Variants in PTPRG observed in about 807,000 individuals in gnomAD.
PTPRG encodes the protein receptor-type tyrosine-protein phosphatase gamma.
A neutral mutation model predicts 165.3 loss-of-function variants in PTPRG; 102 were observed. The observed-to-expected ratio is 0.62, with a 90% CI of 0.53 to 0.73. The LOEUF is 0.73. PTPRG is among the 30% of genes least tolerant of loss of function. PTPRG has a pLI of 0.00. For synonymous variants in PTPRG, 675 were observed against 669.5 expected (o/e 1.01, Z -0.13); for missense variants, 1,866 against 1,861.4 (o/e 1.00, Z -0.05).
At chr3:62,206,654 C>T (rs966593043) in intron 12 of PTPRG, among the ~76,000 whole-genome samples, 3 of 151,972 alleles carry the variant, frequency 2.0e-5, no homozygotes, top group Non-Finnish European at 2.9e-5. Context: ...TCCAGATGGC[C>T]GAGTGCAGTG....
chr3:61,661,425 G>A (rs571730194), intron 1 of PTPRG, among the ~76,000 whole-genome samples: 5 of 151,884 alleles, frequency 3.3e-5, no homozygotes, highest in Admixed American at 2.0e-4. Flanking sequence ...CTATATGCCC[G>A]TTTTTATGCT....
intron 13 of PTPRG, among the ~76,000 whole-genome samples, chr3:62,223,793 A>G (rs571033846): frequency 6.6e-6 from 1 of 152,286 alleles, no homozygotes; most frequent in South Asian, 2.1e-4. Flanking sequence ...AATAAGGAAA[A>G]TCAAATGTAC....
chr3:61,619,950 A>G (rs56034823), intron 1 of PTPRG, among the ~76,000 whole-genome samples: 13,369 of 152,210 alleles, frequency 0.088, 704 homozygotes, highest in East Asian at 0.2. Flanking sequence ...ATCTTAATAA[A>G]ACACATCACA....
intron 1 of PTPRG, among the ~76,000 whole-genome samples, chr3:61,699,182 TA>T (rs1165229688): frequency 4.0e-5 from 6 of 151,742 alleles, no homozygotes; most frequent in Non-Finnish European, 7.4e-5. Flanking sequence ...ATAACAAAAT[TA>T]AAAAAAATTA....
intron 10 of PTPRG, among the ~76,000 whole-genome samples, chr3:62,198,539 C>T (rs1383991670): frequency 1.3e-5 from 2 of 152,122 alleles, no homozygotes; most frequent in Non-Finnish European, 2.9e-5. Flanking sequence ...CAGACTCATC[C>T]GTGGCAAAGC....
intron 3 of PTPRG, among the ~76,000 whole-genome samples, chr3:61,999,902 T>C (rs1392535284): frequency 1.3e-5 from 2 of 152,364 alleles, no homozygotes; most frequent in Non-Finnish European, 1.5e-5. Flanking sequence ...ATGATTTTCT[T>C]TTCTTTGATA....
chr3:62,257,991 A>G (rs140161158), intron 16 of PTPRG, among the ~76,000 whole-genome samples: 165 of 152,162 alleles, frequency 1.1e-3, no homozygotes, highest in African/African-American at 3.8e-3. Context: ...AGCCAGAGTA[A>G]TGTCCTGTAA....
chr3:62,275,144 G>C (rs1401283955), intron 23 of PTPRG, among the ~76,000 whole-genome samples: 2 of 152,116 alleles, frequency 1.3e-5, no homozygotes, highest in African/African-American at 4.8e-5. Flanking sequence ...TGACAAAATG[G>C]TTCAACCAAG....
At chr3:62,156,972 T>G in intron 6 of PTPRG, 95 bp from the exon 7 acceptor site, 3 of 1,114,660 alleles carry the variant, frequency 2.7e-6, no homozygotes, top group Non-Finnish European at 4.0e-6. Flanking sequence ...AGGCTTGCGA[T>G]GTGGCACCAG....
Position 61,817,040 on chromosome 3 carries a change from TATATA to T in PTPRG, c.190+68063_190+68067del, listed in dbSNP as rs1234314940. ...ATACTATATAATATATAGTATATAATATATAATATTATATATAATATATAATACAT... is the reference window on the plus strand; with the variant it reads ...ATACTATATAATATATAGTATATAATATATTATATATAATATATAATACAT... On this transcript the variant is annotated intron_variant, in intron 2 of 29. Transcript: ENST00000474889. Among the ~76,000 whole-genome samples the T allele has an allele frequency of 1.1e-4, 15 of 131,856 alleles. No homozygotes were observed. The South Asian group carries it at 2.8e-3, about 25-fold the overall frequency. The allele number at this position is 131,856 out of a possible 152,430, so 86.5% of individuals were successfully genotyped here.
intron 4 of PTPRG, among the ~76,000 whole-genome samples, chr3:62,067,461 A>C (rs962859142): frequency 6.6e-6 from 1 of 152,008 alleles, no homozygotes; most frequent in Non-Finnish European, 1.5e-5. Context: ...CATGGTGGCG[A>C]TGGTTTCAGG....
chr3:62,144,820 T>C (rs899044174), intron 6 of PTPRG, among the ~76,000 whole-genome samples: 3 of 152,162 alleles, frequency 2.0e-5, no homozygotes, highest in Admixed American at 1.3e-4. Flanking sequence ...TTATCACTAA[T>C]AGTATTGTTA....
At chr3:62,268,706 C>G (rs559314672) in intron 19 of PTPRG, among the ~76,000 whole-genome samples, 1 of 152,090 alleles carries the variant, frequency 6.6e-6, no homozygotes, top group African/African-American at 2.4e-5. Context: ...ACAAACCTTA[C>G]CCACATTTCT....
At chr3:61,692,657 A>G (rs901492015) in intron 1 of PTPRG, among the ~76,000 whole-genome samples, 3 of 152,112 alleles carry the variant, frequency 2.0e-5, no homozygotes, top group African/African-American at 4.8e-5. Flanking sequence ...GGCAGGCAAG[A>G]GTGGGGGTCA....
intron 15 of PTPRG, among the ~76,000 whole-genome samples, chr3:62,250,848 A>G (rs189102080): frequency 2.8e-4 from 42 of 152,322 alleles, no homozygotes; most frequent in African/African-American, 9.9e-4. Context: ...TCAAAAGTAC[A>G]TAAGAAGGTT....
chr3:61,820,723 G>A (rs1433875258), intron 2 of PTPRG, among the ~76,000 whole-genome samples: 9 of 150,998 alleles, frequency 6.0e-5, no homozygotes, highest in African/African-American at 2.2e-4. Context: ...GTAGATAGAG[G>A]CGCCTGGCTG....
At chr3:62,011,812 A>G (rs1406232131) in intron 4 of PTPRG, among the ~76,000 whole-genome samples, 2 of 152,226 alleles carry the variant, frequency 1.3e-5, no homozygotes, top group East Asian at 3.9e-4. Flanking sequence ...GTAAATCTCC[A>G]TGATGTCTGG....
At chr3:61,742,679 T>C (rs878938335) in intron 1 of PTPRG, 4 of 1,605,124 alleles carry the variant, frequency 2.5e-6, no homozygotes, top group Non-Finnish European at 3.4e-6. Flanking sequence ...TTGGCCACCA[T>C]GTTTTCGTTG....
chr3:61,924,690 G>A (rs2039162641), intron 2 of PTPRG, among the ~76,000 whole-genome samples: 1 of 152,240 alleles, frequency 6.6e-6, no homozygotes, highest in Admixed American at 6.5e-5. Flanking sequence ...CTCTGGTCCA[G>A]GGGTCAGTAA....
Sources: allele counts gnomAD v4.1 joint callset (sites outside exome capture counted in the v4.1 genomes callset), GRCh38; gene constraint gnomAD v4.1.1; transcripts MANE v1.5; gene names NCBI Gene and HGNC (gene_info 2026-07-23, HGNC 2026-07-21).